DGKQ: variants seen among roughly 807,000 people sequenced by gnomAD.
DGKQ encodes the protein diacylglycerol kinase theta, also known as DAG kinase theta.
In DGKQ, 97 loss-of-function variants were observed where a neutral mutation model predicts 104.2. The observed-to-expected ratio is 0.93, with a 90% CI of 0.79 to 1.10. The LOEUF is 1.10. DGKQ is among the 50% of genes least tolerant of loss of function. DGKQ has a pLI of 0.00. For synonymous variants in DGKQ, 736 were observed against 595.2 expected, an observed-to-expected ratio of 1.24 and a Z score of -3.44; for missense variants, 1,465 against 1,352.1, an observed-to-expected ratio of 1.08 and a Z score of -1.31.
rs1168773851 is a variant in DGKQ at position 965,999 on chromosome 4, A to G, written c.1508T>C (p.Val503Ala). The change falls in exon 13 of 23, where the codon GTT becomes GCT. Residue 503 changes from valine to alanine, a missense_variant. Val to Ala is a moderately conservative substitution (Grantham distance 64, BLOSUM62 0). Transcript: ENST00000273814. ...RDVAPHVSLFVGGLPPGLSPE... is the reference protein window; with the variant it reads ...RDVAPHVSLFAGGLPPGLSPE... ...AGACAGGCCGGGAGGCAGGCCGCCA[A>G]CAAACAGGGAGACGTGCGGGGCTAC... is the stretch of plus-strand genomic sequence containing the variant. 1 of 1,606,068 alleles carries G rather than the reference A, an allele frequency of 6.2e-7. No individual in the cohort carries two copies. Among genetic ancestry groups the G allele is most frequent in the Non-Finnish European group, 8.5e-7 (1 of 1,177,210 alleles).
In DGKQ at chr4:962,494, G is replaced by A; in HGVS notation, c.2155C>T (p.Leu719=). 1 of 1,608,830 alleles carries A rather than the reference G, an allele frequency of 6.2e-7. No homozygotes were observed. The highest frequency in any genetic ancestry group is 8.5e-7 in the Non-Finnish European group (1 of 1,179,758). The part of the protein sequence containing the change: ...AVLMDRWTIL[L]DAHEAGSAEN... Reference sequence around the variant, plus strand: ...GCACTGCCAGCCTCGTGGGCATCCAGCAGGATGGTCCAGCGGTCCATGAGC... The same window carrying A: ...GCACTGCCAGCCTCGTGGGCATCCAACAGGATGGTCCAGCGGTCCATGAGC... The change falls in exon 18 of 23, where the codon CTG becomes TTG. Residue 719 remains leucine (L), a synonymous_variant. Transcript: ENST00000273814.
chr4:966,596 C>G, intron 11 of DGKQ, 69 bp from the exon 12 acceptor site: 3 of 1,535,470 alleles, frequency 2.0e-6, no homozygotes, highest in Non-Finnish European at 2.7e-6. Context: ...CTGCCCGGAG[C>G]CCCCAGGGCC....
Position 967,616 on chromosome 4 carries a change from T to A in DGKQ, c.920A>T (p.Asp307Val). The change falls in exon 8 of 23, where the codon GAC becomes GTC. Residue 307 changes from aspartate to valine, a missense_variant. Physicochemically the swap from Asp to Val is radical, Grantham distance 152. Transcript: ENST00000273814. ...KQTLKIFDGD[D>V]AVRRSQFRLV... ...GCGGAACTGGCTTCTTCTCACCGCGTCGTCGCCATCAAAGATCTTCAGCGT... is the reference window on the plus strand; with the variant it reads ...GCGGAACTGGCTTCTTCTCACCGCGACGTCGCCATCAAAGATCTTCAGCGT... 1.2e-6 allele frequency: 2 copies of A among 1,612,546 alleles called. No homozygotes were observed. Among genetic ancestry groups the A allele is most frequent in the Non-Finnish European group, 1.7e-6 (2 of 1,179,840 alleles).
chr4:967,384 G>C, intron 8 of DGKQ, 23 bp from the exon 9 acceptor site: 1 of 1,511,058 alleles, frequency 6.6e-7, no homozygotes, highest in Non-Finnish European at 8.9e-7. Context: ...AGGTTAGAGG[G>C]GCCAAGTTGT....
chr4:969,357 A>G (rs1446453457), intron 2 of DGKQ, among the ~76,000 whole-genome samples: 1 of 152,218 alleles, frequency 6.6e-6, no homozygotes, highest in African/African-American at 2.4e-5. Context: ...AGATCCCAGC[A>G]CACAGGGACT....
chr4:963,497 G>A (rs747216421), intron 15 of DGKQ, among the ~76,000 whole-genome samples: 34 of 152,328 alleles, frequency 2.2e-4, no homozygotes, highest in Non-Finnish European at 3.8e-4. Flanking sequence ...CCAGCAGGGC[G>A]GCACTGAGGA....
chr4:961,451 T>A lies in DGKQ; in HGVS notation c.2574+16A>T. ...GCCCACCCTGGGCTCGCCCGCCCACTCGGCCGGCGGCTCACCATGTGCACG... is the reference window on the plus strand; with the variant it reads ...GCCCACCCTGGGCTCGCCCGCCCACACGGCCGGCGGCTCACCATGTGCACG... On this transcript the variant is annotated intron_variant, in intron 21 of 22. Coordinates refer to ENST00000273814, the MANE Select transcript of DGKQ (RefSeq NM_001347.4). 1 of 1,576,936 alleles carries A rather than the reference T, an allele frequency of 6.3e-7. No homozygotes were observed. The highest frequency in any genetic ancestry group is 8.6e-7 in the Non-Finnish European group (1 of 1,165,042).
chr4:971,091 T>C lies in DGKQ; in HGVS notation c.272-19A>G. 1 of 1,548,346 alleles carries C rather than the reference T, an allele frequency of 6.5e-7. No individual in the cohort carries two copies. The highest frequency in any genetic ancestry group is 1.7e-4 in the Middle Eastern group (1 of 5,990). On this transcript the variant is annotated intron_variant, in intron 1 of 22. Transcript: ENST00000273814. The surrounding 1 kb of genome is among the most constrained non-coding windows in gnomAD (Gnocchi z 4.0). The stretch of plus-strand genomic sequence containing the variant: ...TTGCAGACTGTGGGAATGAGCACTG[T>C]GTGAGTTGGCCCCTGTCCTACCCAA...
At chr4:960,906 T>C (rs1711837547) in intron 22 of DGKQ, 143 bp downstream of exon 22, 1 of 1,490,520 alleles carries the variant, frequency 6.7e-7, no homozygotes, top group Non-Finnish European at 8.9e-7. Context: ...GGCACAGCCC[T>C]CCTCTGAAGC....
Position 967,557 on chromosome 4 carries a change from C to A in DGKQ, c.979G>T (p.Glu327Ter), listed in dbSNP as rs764904749. The A allele has an allele frequency of 6.2e-7, 1 of 1,612,450 alleles. No homozygotes were observed. Among genetic ancestry groups the A allele is most frequent in the East Asian group, 2.2e-5 (1 of 44,860 alleles). ...VTVSRLAGAE[E>*]VLEAALRAHH... is the part of the protein sequence containing the mutation. ...CCCAGCCTCCCCCTTACCAGCACCT[C>A]CTCGGCACCGGCCAGGCGGGACACC... The change falls in exon 8 of 23, where the codon GAG becomes TAG. Residue 327 changes from glutamate to a stop codon, truncating the protein, a stop_gained. Coordinates refer to ENST00000273814, the MANE Select transcript of DGKQ (RefSeq NM_001347.4). LOFTEE classifies it high-confidence loss of function.
rs1712636267 is a variant in DGKQ, at chr4:968,389, AGTG to A, written c.553_555del (p.His185del). The A allele has an allele frequency of 1.3e-6, 2 of 1,571,076 alleles. No individual in the cohort carries two copies. The highest frequency in any genetic ancestry group is 8.6e-7 in the Non-Finnish European group (1 of 1,160,384). On this transcript the variant is annotated inframe_deletion, in exon 5 of 23. Transcript: ENST00000273814. The stretch of plus-strand genomic sequence containing the variant: ...CCCGAGGGCAGGTTCCCCTCCCGCC[AGTG>A]GTGGTGATGGGTGTCCTGCAGAGCG...
At position 973,548 on chromosome 4, in the gene DGKQ, G is replaced by T. The variant is rs1283828548; in HGVS notation, c.-66C>A. 58 of 981,858 alleles carry T rather than the reference G, an allele frequency of 5.9e-5. No individual in the cohort carries two copies. Among genetic ancestry groups the T allele is most frequent in the Non-Finnish European group, 6.8e-5 (56 of 827,248 alleles). The allele number at this position is 981,858 out of a possible 1,614,324, so 60.8% of individuals were successfully genotyped here. On this transcript the variant is annotated 5_prime_UTR_variant, in exon 1 of 23. Transcript: ENST00000273814. ...GGGGTACAGGAGCCGCCGCTCCACGGCCCGGTACACTGCTTCCGACTGCGC... is the reference window on the plus strand; with the variant it reads ...GGGGTACAGGAGCCGCCGCTCCACGTCCCGGTACACTGCTTCCGACTGCGC...
chr4:969,351 C>A (rs1299072883), intron 2 of DGKQ, among the ~76,000 whole-genome samples: 1 of 152,222 alleles, frequency 6.6e-6, no homozygotes, highest in African/African-American at 2.4e-5. Context: ...CCAGGAAGAT[C>A]CCAGCACACA....
intron 10 of DGKQ, 66 bp downstream of exon 10, chr4:966,898 G>C: frequency 6.5e-7 from 1 of 1,550,174 alleles, no homozygotes; most frequent in Non-Finnish European, 8.7e-7. Context: ...TGGTGGCCTG[G>C]CCTCCTGGGG....
chr4:967,468 G>C (rs964392756), intron 8 of DGKQ, 81 bp downstream of exon 8: 8 of 1,498,198 alleles, frequency 5.3e-6, no homozygotes, highest in Non-Finnish European at 6.4e-6. Flanking sequence ...CGCCAGGTTG[G>C]GGGAGCCAGG....
chr4:967,402 C>G lies in DGKQ; in HGVS notation c.988-41G>C, dbSNP rs374175787. On this transcript the variant is annotated intron_variant, in intron 8 of 22. Coordinates refer to ENST00000273814, the MANE Select transcript of DGKQ (RefSeq NM_001347.4). Reference sequence around the variant, plus strand: ...TTAGAGGGGCCAAGTTGTGGGGGGTCAGGCGGGGTTCAGTGGGGGGCAGGT... The same window carrying G: ...TTAGAGGGGCCAAGTTGTGGGGGGTGAGGCGGGGTTCAGTGGGGGGCAGGT... The G allele has an allele frequency of 0.011, 7,795 of 686,480 alleles. 474 individuals are homozygous for G. In the South Asian group the frequency reaches 0.17, roughly 15 times the overall value. The allele number at this position is 686,480 out of a possible 1,614,324, so 42.5% of individuals were successfully genotyped here.
At position 965,456 on chromosome 4, in the gene DGKQ, G is replaced by A. The variant is rs113143048; in HGVS notation, c.1618+35C>T. On this transcript the variant is annotated intron_variant, in intron 14 of 22. Transcript: ENST00000273814. ...CCACTTCACCCCAGGAACACCCCTGGGCCTCATGTGACCACGTCCCTCAGG... is the reference window on the plus strand; with the variant it reads ...CCACTTCACCCCAGGAACACCCCTGAGCCTCATGTGACCACGTCCCTCAGG... The A allele has an allele frequency of 5.2e-5, 84 of 1,605,056 alleles. No homozygotes were observed. The African/African-American group carries it at 6.9e-4, about 13-fold the overall frequency.
chr4:961,630 CT>C, intron 20 of DGKQ, 52 bp from the exon 21 acceptor site: 1 of 1,610,548 alleles, frequency 6.2e-7, no homozygotes, highest in South Asian at 1.1e-5. Context: ...AGGACGAGGG[CT>C]GAGCCTGCCC....
In DGKQ at chr4:967,870, C is replaced by T. The variant is rs1330684518; in HGVS notation, c.811+10G>A. On this transcript the variant is annotated intron_variant, in intron 6 of 22. Transcript: ENST00000273814. ...CCAGCCCAGGGCGCCCCGGCCGGCC[C>T]GCACCTCACCCGGCTCCGCGGCCTC... The T allele has an allele frequency of 1.4e-6, 2 of 1,463,968 alleles. No homozygotes were observed. Among genetic ancestry groups the T allele is most frequent in the Non-Finnish European group, 1.8e-6 (2 of 1,113,596 alleles). 90.7% of individuals were successfully genotyped at this position (1,463,968 alleles called of 1,614,324 possible).
Sources: gnomAD v4.1 joint callset for allele counts (sites outside exome capture counted in the v4.1 genomes callset) on GRCh38, gnomAD v4.1.1 for gene constraint, Gnocchi (gnomAD v3.1) non-coding constraint, MANE v1.5 for transcripts, NCBI Gene and HGNC (gene_info 2026-07-23, HGNC 2026-07-21) for gene names.